The following SMYD3 variants were observed in gnomAD, a reference collection of about 807,000 sequenced individuals.
SMYD3 encodes the protein histone-lysine N-methyltransferase SMYD3.
SMYD3 carries 36 observed loss-of-function variants against 57.7 expected under a neutral mutation model. The observed-to-expected ratio is 0.62, with a 90% CI of 0.48 to 0.82. The LOEUF (loss-of-function observed/expected upper bound fraction) is 0.82. Ranked by LOEUF, SMYD3 falls within the 40% of genes least tolerant of loss-of-function variation. SMYD3 has a pLI of 0.00. For synonymous variants in SMYD3, 211 were observed against 195.0 expected (o/e 1.08, Z -0.68); for missense variants, 515 against 538.8 (o/e 0.96, Z 0.44).
At chr1:246,372,053 G>C (rs561086751) in intron 1 of SMYD3, among the ~76,000 whole-genome samples, 16 of 152,198 alleles carry the variant, frequency 1.1e-4, no homozygotes, top group Non-Finnish European at 2.1e-4. Flanking sequence ...TATAAAGAAA[G>C]ACTAGCATGC....
At chr1:245,879,568 T>C (rs377643482) in intron 8 of SMYD3, among the ~76,000 whole-genome samples, 27 of 152,220 alleles carry the variant, frequency 1.8e-4, no homozygotes, top group African/African-American at 6.5e-4. Context: ...AGAAAGCTAC[T>C]CAATTCTTAG....
chr1:245,954,360 G>A (rs1339056180), intron 5 of SMYD3, among the ~76,000 whole-genome samples: 1 of 152,132 alleles, frequency 6.6e-6, no homozygotes, highest in Non-Finnish European at 1.5e-5. Context: ...AGAAAAACAG[G>A]AAGAAAAGGG....
chr1:246,039,992 C>T (rs940805190), intron 5 of SMYD3, among the ~76,000 whole-genome samples: 2 of 152,136 alleles, frequency 1.3e-5, no homozygotes, highest in Non-Finnish European at 2.9e-5. Flanking sequence ...ATTGTCTTAG[C>T]GTAAGTTACA....
chr1:246,039,204 T>C (rs761054805), intron 5 of SMYD3, among the ~76,000 whole-genome samples: 16 of 152,328 alleles, frequency 1.1e-4, no homozygotes, highest in Non-Finnish European at 1.8e-4. Context: ...TCTCTCTTGT[T>C]GAATTACAAA....
intron 10 of SMYD3, among the ~76,000 whole-genome samples, chr1:245,778,270 T>A (rs1282428207): frequency 6.6e-6 from 1 of 152,212 alleles, no homozygotes; most frequent in Non-Finnish European, 1.5e-5. Context: ...TTTTCAGATT[T>A]ACTAGAAAGC....
chr1:245,753,491 C>T (rs2045480229), intron 11 of SMYD3, among the ~76,000 whole-genome samples: 1 of 152,230 alleles, frequency 6.6e-6, no homozygotes, highest in African/African-American at 2.4e-5. Flanking sequence ...CTGCAATTCA[C>T]ACCTGGTGAT....
At chr1:246,501,112 A>G (rs549096838) in intron 1 of SMYD3, among the ~76,000 whole-genome samples, 2 of 152,314 alleles carry the variant, frequency 1.3e-5, no homozygotes, top group South Asian at 4.1e-4. Flanking sequence ...CTTGACCTTC[A>G]GGGCCTCCAA....
intron 5 of SMYD3, among the ~76,000 whole-genome samples, chr1:246,266,793 GAGAA>G (rs1249575558): frequency 7.4e-6 from 1 of 134,938 alleles, no homozygotes; most frequent in African/African-American, 2.5e-5. Context: ...GAAAGAAAGA[GAGAA>G]AGAGAGAGAG....
At chr1:246,386,886 CT>C (rs1425434122) in intron 1 of SMYD3, among the ~76,000 whole-genome samples, 6 of 137,752 alleles carry the variant, frequency 4.4e-5, no homozygotes, top group Non-Finnish European at 8.1e-5. Context: ...GTTATACTTT[CT>C]GATATAAAAA....
Position 245,863,792 on chromosome 1 carries a change from A to G in SMYD3, c.901+7T>C. 2 of 1,612,886 alleles carry G rather than the reference A, an allele frequency of 1.2e-6. No homozygotes were observed. The highest frequency in any genetic ancestry group is 1.7e-4 in the Middle Eastern group (1 of 6,060). ...CAGTCCACCTCAATCCACAGGCGAA[A>G]GGATACTCCAGTGTGCCTTCAGTTC... On this transcript the variant is annotated splice_region_variant and intron_variant, in intron 9 of 11. Coordinates refer to ENST00000490107, the MANE Select transcript of SMYD3 (RefSeq NM_001167740.2).
intron 5 of SMYD3, among the ~76,000 whole-genome samples, chr1:246,257,534 T>G (rs765153931): frequency 1.3e-5 from 2 of 152,250 alleles, no homozygotes; most frequent in African/African-American, 2.4e-5. Context: ...GATGGGTCAC[T>G]TGAAGACAGC....
rs2045850899 is a variant in SMYD3, at chr1:245,761,745, A to C, written c.1185+2296T>G. 2.0e-5 allele frequency among the ~76,000 whole-genome samples: 3 copies of C among 148,308 alleles called. No individual in the cohort carries two copies. The South Asian group carries it at 6.4e-4, about 31-fold the overall frequency. On this transcript the variant is annotated intron_variant, in intron 11 of 11. Coordinates refer to ENST00000490107, the MANE Select transcript of SMYD3 (RefSeq NM_001167740.2). ...CTGGCCTGGATTTAATGACTTGTAC[A>C]TGTCTATCTCCTCCATTAAATTGTA... is the stretch of plus-strand genomic sequence containing the variant.
chr1:245,772,227 G>C (rs188036062), intron 10 of SMYD3, among the ~76,000 whole-genome samples: 12 of 152,302 alleles, frequency 7.9e-5, no homozygotes, highest in African/African-American at 2.6e-4. Context: ...TGTCACACAG[G>C]ATTTGACAAC....
intron 5 of SMYD3, among the ~76,000 whole-genome samples, chr1:246,055,044 T>C (rs969887492): frequency 2.0e-4 from 31 of 151,750 alleles, no homozygotes; most frequent in African/African-American, 7.3e-4. Flanking sequence ...GGCGTGGTGG[T>C]GGGCACCTGT....
intron 1 of SMYD3, among the ~76,000 whole-genome samples, chr1:246,365,105 G>T (rs1329826710): frequency 1.3e-5 from 2 of 151,944 alleles, no homozygotes; most frequent in African/African-American, 4.8e-5. Context: ...AATATACCCA[G>T]TCTCAAAATC....
At chr1:246,036,577 G>A (rs371137092) in intron 5 of SMYD3, among the ~76,000 whole-genome samples, 17 of 145,620 alleles carry the variant, frequency 1.2e-4, no homozygotes, top group African/African-American at 1.5e-4. Flanking sequence ...TTTTTGAGAC[G>A]GAGTCTCGCT....
At chr1:246,072,377 C>T (rs79859644) in intron 5 of SMYD3, among the ~76,000 whole-genome samples, 754 of 73,956 alleles carry the variant, frequency 0.01, no homozygotes, top group Middle Eastern at 0.031. Flanking sequence ...ATTCGTGTGC[C>T]TTCCACTGTG....
intron 8 of SMYD3, among the ~76,000 whole-genome samples, chr1:245,904,294 T>C (rs2054401124): frequency 6.6e-6 from 1 of 152,166 alleles, no homozygotes; most frequent in Non-Finnish European, 1.5e-5. Flanking sequence ...ATGTAAGACA[T>C]GCCTCTTCCT....
intron 5 of SMYD3, among the ~76,000 whole-genome samples, chr1:246,297,300 C>G (rs1187995278): frequency 1.3e-5 from 2 of 152,100 alleles, no homozygotes; most frequent in African/African-American, 2.4e-5. Context: ...ATTAAGGAAA[C>G]AGTCAACAAT....
Sources: gnomAD v4.1 joint callset for allele counts (sites outside exome capture counted in the v4.1 genomes callset) on GRCh38, gnomAD v4.1.1 for gene constraint, MANE v1.5 for transcripts, NCBI Gene and HGNC (gene_info 2026-07-23, HGNC 2026-07-21) for gene names.